Variants in NRXN1 observed in about 807,000 individuals in gnomAD.
The protein encoded by NRXN1 is neurexin 1, also known as neurexin-1.
In NRXN1, 39 loss-of-function variants were observed where a neutral mutation model predicts 150.9. That is an observed-to-expected ratio of 0.26 (90% CI 0.20 to 0.34). The LOEUF is 0.34. Ranked by LOEUF, NRXN1 falls within the 10% of genes least tolerant of loss-of-function variation. NRXN1 has a pLI of 1.00. For synonymous variants in NRXN1, 924 were observed against 757.0 expected, an observed-to-expected ratio of 1.22 and a Z score of -3.62; for missense variants, 1,815 against 1,949.9, an observed-to-expected ratio of 0.93 and a Z score of 1.30.
chr2:49,927,093 G>C (rs555778545), intron 22 of NRXN1, among the ~76,000 whole-genome samples: 1 of 152,230 alleles, frequency 6.6e-6, no homozygotes, highest in Non-Finnish European at 1.5e-5. Context: ...TTGCCTCATG[G>C]GTTAGCATAT....
chr2:51,008,426 G>T (rs1485900305), intron 2 of NRXN1, among the ~76,000 whole-genome samples: 1 of 151,816 alleles, frequency 6.6e-6, no homozygotes, highest in African/African-American at 2.4e-5. Context: ...TTGCTATTTA[G>T]ATTTTTCCAG....
intron 17 of NRXN1, among the ~76,000 whole-genome samples, chr2:50,295,833 A>G (rs1049413324): frequency 6.6e-6 from 1 of 152,330 alleles, no homozygotes; most frequent in Non-Finnish European, 1.5e-5. Context: ...AATAACTGGG[A>G]AAATTCTAAA....
At chr2:50,709,285 T>C (rs1379629729) in intron 5 of NRXN1, among the ~76,000 whole-genome samples, 2 of 152,302 alleles carry the variant, frequency 1.3e-5, no homozygotes, top group East Asian at 1.9e-4. Context: ...GAACCATACA[T>C]TGACTCTATC....
intron 18 of NRXN1, among the ~76,000 whole-genome samples, chr2:50,230,745 T>C (rs528109446): frequency 2.6e-5 from 4 of 152,020 alleles, no homozygotes; most frequent in Non-Finnish European, 4.4e-5. Flanking sequence ...TGATGACCAG[T>C]AATTTAGAAG....
chr2:50,791,983 G>A (rs937228878), intron 5 of NRXN1, among the ~76,000 whole-genome samples: 8 of 152,100 alleles, frequency 5.3e-5, no homozygotes, highest in African/African-American at 1.4e-4. Flanking sequence ...TGAGATGTGC[G>A]TGGGCATTAT....
At chr2:50,816,441 A>G (rs530970709) in intron 5 of NRXN1, among the ~76,000 whole-genome samples, 1 of 152,260 alleles carries the variant, frequency 6.6e-6, no homozygotes, top group South Asian at 2.1e-4. Flanking sequence ...CAAATAGCTA[A>G]CAGCCATCTT....
chr2:50,932,083 C>A (rs1350711036), intron 2 of NRXN1, among the ~76,000 whole-genome samples: 1 of 151,770 alleles, frequency 6.6e-6, no homozygotes, highest in Non-Finnish European at 1.5e-5. Flanking sequence ...AGGTGCCTGG[C>A]CAAAAAATAT....
intron 5 of NRXN1, among the ~76,000 whole-genome samples, chr2:50,798,812 T>G (rs1361882489): frequency 6.6e-6 from 1 of 152,248 alleles, no homozygotes; most frequent in Non-Finnish European, 1.5e-5. Flanking sequence ...GTTTAAATTT[T>G]TATTAAATTC....
chr2:50,163,324 T>A (rs1270730922), intron 18 of NRXN1, among the ~76,000 whole-genome samples: 1 of 151,930 alleles, frequency 6.6e-6, no homozygotes, highest in Non-Finnish European at 1.5e-5. Flanking sequence ...AACCATCAAA[T>A]CCACTCAAGA....
At chr2:50,180,227 G>C (rs2060619552) in intron 18 of NRXN1, among the ~76,000 whole-genome samples, 1 of 151,874 alleles carries the variant, frequency 6.6e-6, no homozygotes, top group African/African-American at 2.4e-5. Context: ...GTCTTGCTGT[G>C]CTGCCCAGGC....
rs1690313095 is a variant in NRXN1 at position 50,945,972 on chromosome 2, T to A, written c.773-20017A>T. ...TATTATTATTATTATTAATTGGTCA[T>A]CTTTTCAGCTCTATGTTTTAAGGCA... is the stretch of plus-strand genomic sequence containing the variant. On this transcript the variant is annotated intron_variant, in intron 2 of 22. Transcript: ENST00000401669. 2.0e-5 allele frequency among the ~76,000 whole-genome samples: 3 copies of A among 150,820 alleles called. No homozygotes were observed. The South Asian group carries it at 6.3e-4, about 31-fold the overall frequency.
chr2:50,822,722 G>C (rs907183146), intron 5 of NRXN1, among the ~76,000 whole-genome samples: 2 of 151,954 alleles, frequency 1.3e-5, no homozygotes, highest in Non-Finnish European at 1.5e-5. Context: ...TTAAATCCTC[G>C]TTTTCATTCT....
At chr2:50,154,860 T>A (rs1232254348) in intron 18 of NRXN1, among the ~76,000 whole-genome samples, 1 of 151,568 alleles carries the variant, frequency 6.6e-6, no homozygotes, top group Non-Finnish European at 1.5e-5. Context: ...ATACCTCTAA[T>A]AAGCATTAAG....
chr2:50,272,836 C>G (rs145395648), intron 17 of NRXN1, among the ~76,000 whole-genome samples: 1 of 151,928 alleles, frequency 6.6e-6, no homozygotes, highest in African/African-American at 2.4e-5. Flanking sequence ...TAAACACATT[C>G]TAAAAATGCA....
intron 15 of NRXN1, among the ~76,000 whole-genome samples, chr2:50,474,461 T>C (rs1208955871): frequency 6.6e-6 from 1 of 151,782 alleles, no homozygotes; most frequent in Non-Finnish European, 1.5e-5. Flanking sequence ...ATTTAAGGAC[T>C]GAGCTCTGGT....
intron 17 of NRXN1, among the ~76,000 whole-genome samples, chr2:50,365,345 C>A (rs976630394): frequency 2.0e-5 from 3 of 151,706 alleles, no homozygotes; most frequent in African/African-American, 7.3e-5. Flanking sequence ...ATTTTAAATG[C>A]ATTTACATTC....
intron 17 of NRXN1, among the ~76,000 whole-genome samples, chr2:50,354,244 T>C (rs2078627844): frequency 6.6e-6 from 1 of 152,044 alleles, no homozygotes; most frequent in Admixed American, 6.6e-5. Flanking sequence ...TTACTACAGT[T>C]AGAAAAAAAT....
chr2:50,131,975 C>T (rs889451366), intron 18 of NRXN1, among the ~76,000 whole-genome samples: 3 of 152,036 alleles, frequency 2.0e-5, no homozygotes, highest in Non-Finnish European at 4.4e-5. Context: ...TGAGTGTGTG[C>T]GTGTGTATGT....
intron 17 of NRXN1, among the ~76,000 whole-genome samples, chr2:50,401,508 A>T (rs2082389587): frequency 6.6e-6 from 1 of 152,016 alleles, no homozygotes; most frequent in Non-Finnish European, 1.5e-5. Flanking sequence ...TAAAATTTCT[A>T]AGATTCCTTC....
Sources: allele counts gnomAD v4.1 joint callset (sites outside exome capture counted in the v4.1 genomes callset), GRCh38; gene constraint gnomAD v4.1.1; transcripts MANE v1.5; gene names NCBI Gene and HGNC (gene_info 2026-07-23, HGNC 2026-07-21).